Variants in SLIT1 observed in about 807,000 individuals in gnomAD.
SLIT1 encodes the protein slit homolog 1 protein.
In SLIT1, 66 loss-of-function variants were observed where a neutral mutation model predicts 186.1. The ratio of observed to expected loss-of-function variants is 0.35; its 90% CI spans 0.29 to 0.44. SLIT1 has a LOEUF of 0.44. SLIT1 is among the 20% of genes least tolerant of loss of function. The pLI is 1.00. For missense variants in SLIT1, 1,638 were observed against 2,037.4 expected, an observed-to-expected ratio of 0.80 and a Z score of 3.77; for synonymous variants, 761 against 833.8, an observed-to-expected ratio of 0.91 and a Z score of 1.50.
chr10:97,111,175 G>A (rs1849460846), intron 4 of SLIT1, among the ~76,000 whole-genome samples: 2 of 151,324 alleles, frequency 1.3e-5, no homozygotes, highest in Non-Finnish European at 2.9e-5. Flanking sequence ...GGGTGTCAGA[G>A]CAAGACTCTG....
At chr10:97,049,477 G>C (rs11816416) in intron 13 of SLIT1, among the ~76,000 whole-genome samples, 7,560 of 152,314 alleles carry the variant, frequency 0.05, 656 homozygotes, top group African/African-American at 0.17. Flanking sequence ...AGGCTGGCCA[G>C]AGCACCCCTG....
At chr10:97,018,565 C>T (rs377454527) in intron 28 of SLIT1, 21 bp downstream of exon 28, 41 of 1,500,140 alleles carry the variant, frequency 2.7e-5, no homozygotes, top group Non-Finnish European at 3.7e-5. Flanking sequence ...CACCAGGCTC[C>T]TGCCCCTCCA....
At chr10:97,066,522 G>T (rs1422715196) in intron 4 of SLIT1, among the ~76,000 whole-genome samples, 1 of 152,122 alleles carries the variant, frequency 6.6e-6, no homozygotes, top group Non-Finnish European at 1.5e-5. Context: ...ATCCCTCCTG[G>T]CTTGATGCTG....
chr10:96,999,553 A>AC lies in SLIT1; in HGVS notation c.*1558dup, dbSNP rs1360826240. On this transcript the variant is annotated 3_prime_UTR_variant, in exon 37 of 37. Coordinates refer to ENST00000266058, the MANE Select transcript of SLIT1 (RefSeq NM_003061.3). Reference sequence around the variant, plus strand: ...ATGCTCACCCCCGTTGCCCACCAGAACCCCCGGGGGTGTGCCCTCTTGGTG... The same window carrying AC: ...ATGCTCACCCCCGTTGCCCACCAGAACCCCCCGGGGGTGTGCCCTCTTGGTG... The AC allele has an allele frequency of 2.0e-5, 3 of 151,900 alleles. No homozygotes were observed. The highest frequency in any genetic ancestry group is 6.6e-5 in the Admixed American group (1 of 15,244). 9.4% of individuals were successfully genotyped at this position (151,900 alleles called of 1,614,324 possible).
intron 4 of SLIT1, among the ~76,000 whole-genome samples, chr10:97,085,344 C>A (rs887006052): frequency 6.6e-6 from 1 of 152,072 alleles, no homozygotes; most frequent in Non-Finnish European, 1.5e-5. Context: ...TCCTTGGTCA[C>A]TTCCTAACTA....
chr10:97,033,056 T>C (rs981521292), intron 23 of SLIT1, among the ~76,000 whole-genome samples: 77 of 151,360 alleles, frequency 5.1e-4, no homozygotes, highest in African/African-American at 1.8e-3. Context: ...CTTTCTTTTT[T>C]TTTTTTTTTT....
At chr10:97,185,352 C>T in intron 1 of SLIT1, 126 bp downstream of exon 1, 1 of 909,344 alleles carries the variant, frequency 1.1e-6, no homozygotes, top group Non-Finnish European at 1.7e-6. Context: ...CAGGCACTGA[C>T]CCGTCTGTGG....
At chr10:97,082,402 A>G (rs1275303664) in intron 4 of SLIT1, among the ~76,000 whole-genome samples, 2 of 152,098 alleles carry the variant, frequency 1.3e-5, no homozygotes, top group Admixed American at 1.3e-4. Flanking sequence ...TGTTATATAC[A>G]TGATCTCATC....
In SLIT1 at chr10:97,004,609, T is replaced by C; in HGVS notation, c.3710+84A>G. On this transcript the variant is annotated intron_variant, in intron 33 of 36. Transcript: ENST00000266058. The surrounding 1 kb of genome is among the most constrained non-coding windows in gnomAD (Gnocchi z 5.1). ...CAGCCCAGGTTTCTAGAGGTCTCGA[T>C]AACCACCTGCTTTTGGCCCAGGAGA... The C allele has an allele frequency of 1.3e-6, 2 of 1,538,192 alleles. No individual in the cohort carries two copies. The highest frequency in any genetic ancestry group is 1.8e-6 in the Non-Finnish European group (2 of 1,118,870).
At chr10:97,034,589 C>CG in intron 22 of SLIT1, 47 bp from the exon 23 acceptor site, 1 of 1,527,260 alleles carries the variant, frequency 6.5e-7, no homozygotes, top group Non-Finnish European at 9.1e-7. Flanking sequence ...TCACTCAGCC[C>CG]TGGCTCACAT....
intron 4 of SLIT1, among the ~76,000 whole-genome samples, chr10:97,076,916 G>A (rs896512017): frequency 2.6e-5 from 4 of 152,136 alleles, no homozygotes; most frequent in East Asian, 1.9e-4. Flanking sequence ...AGTGGGTCCC[G>A]CCTGCCACAA....
rs911312620 is a variant in SLIT1, at chr10:97,077,889, T to C, written c.414-11803A>G. Reference sequence around the variant, plus strand: ...TGGGAGGCCGAAGCAAGAGGATCACTGGAGCCTAGGAATTTGAGGCAACCT... The same window carrying C: ...TGGGAGGCCGAAGCAAGAGGATCACCGGAGCCTAGGAATTTGAGGCAACCT... On this transcript the variant is annotated intron_variant, in intron 4 of 36. Coordinates refer to ENST00000266058, the MANE Select transcript of SLIT1 (RefSeq NM_003061.3). 5.3e-5 allele frequency among the ~76,000 whole-genome samples: 8 copies of C among 152,266 alleles called. No individual in the cohort carries two copies. In the East Asian group the frequency reaches 1.4e-3, roughly 26 times the overall value.
In SLIT1 at chr10:97,010,936, A is replaced by G; in HGVS notation, c.3341+57T>C. On this transcript the variant is annotated intron_variant, in intron 31 of 36. Coordinates refer to ENST00000266058, the MANE Select transcript of SLIT1 (RefSeq NM_003061.3). The surrounding 1 kb of genome is among the most constrained non-coding windows in gnomAD (Gnocchi z 4.8). ...TTCGCCATGGCTGGAGGCTCCTGCC[A>G]GCCCAGGGGCTGACAGCCACAAGGA... The G allele has an allele frequency of 6.4e-7, 1 of 1,564,318 alleles. No individual in the cohort carries two copies. The highest frequency in any genetic ancestry group is 8.7e-7 in the Non-Finnish European group (1 of 1,149,656).
intron 4 of SLIT1, among the ~76,000 whole-genome samples, chr10:97,146,348 T>C (rs1849816800): frequency 6.6e-6 from 1 of 152,146 alleles, no homozygotes; most frequent in African/African-American, 2.4e-5. Flanking sequence ...TAACCAAAAA[T>C]TGAGTTGGTC....
chr10:97,019,348 A>G (rs1222513234), intron 26 of SLIT1, among the ~76,000 whole-genome samples: 1 of 152,152 alleles, frequency 6.6e-6, no homozygotes, highest in African/African-American at 2.4e-5. Context: ...AGTGAATTCC[A>G]GTGTGCAAAG....
intron 1 of SLIT1, among the ~76,000 whole-genome samples, chr10:97,178,712 G>A (rs1242503327): frequency 6.6e-6 from 1 of 151,950 alleles, no homozygotes; most frequent in Non-Finnish European, 1.5e-5. Flanking sequence ...AAGTTTCAAC[G>A]TCTCCAAGCT....
In SLIT1 at chr10:96,999,238, C is replaced by T. The variant is rs1848277998; in HGVS notation, c.*1874G>A. On this transcript the variant is annotated 3_prime_UTR_variant, in exon 37 of 37. Coordinates refer to ENST00000266058, the MANE Select transcript of SLIT1 (RefSeq NM_003061.3). ...GCTCAGAGCTCCAAGCAAGTAGATC[C>T]CAGCCCCCTGGTGAGGGGCAGATCC... 1.3e-5 allele frequency: 2 copies of T among 152,292 alleles called. No individual in the cohort carries two copies. Among genetic ancestry groups the T allele is most frequent in the Admixed American group, 6.5e-5 (1 of 15,282 alleles). The allele number at this position is 152,292 out of a possible 1,614,324, so 9.4% of individuals were successfully genotyped here.
intron 4 of SLIT1, among the ~76,000 whole-genome samples, chr10:97,069,068 G>C (rs766698176): frequency 2.6e-5 from 4 of 152,226 alleles, no homozygotes; most frequent in Non-Finnish European, 5.9e-5. Flanking sequence ...CTCCTGGTCT[G>C]TGGACTTGTG....
Position 97,057,226 on chromosome 10 carries a change from A to G in SLIT1, c.1141T>C (p.Tyr381His). 1 of 1,613,856 alleles carries G rather than the reference A, an allele frequency of 6.2e-7. No homozygotes were observed. Among genetic ancestry groups the G allele is most frequent in the East Asian group, 2.2e-5 (1 of 44,884 alleles). The change falls in exon 12 of 37, where the codon TAC (tyrosine) becomes CAC (histidine). Residue 381 changes from tyrosine to histidine, a missense_variant. By Grantham distance (83) the Tyr-to-His change is moderately conservative. Coordinates refer to ENST00000266058, the MANE Select transcript of SLIT1 (RefSeq NM_003061.3). ...DLPRGVFGGL[Y>H]TLQLLLLNAN... is the part of the protein sequence containing the mutation. ...CGTTCTTACAGGAGCTGTAGGGTGTATAGGCCTCCAAACACACCACGGGGG... is the reference window on the plus strand; with the variant it reads ...CGTTCTTACAGGAGCTGTAGGGTGTGTAGGCCTCCAAACACACCACGGGGG...
Sources: gnomAD v4.1 joint callset for allele counts (sites outside exome capture counted in the v4.1 genomes callset) on GRCh38, gnomAD v4.1.1 for gene constraint, Gnocchi (gnomAD v3.1) non-coding constraint, MANE v1.5 for transcripts, NCBI Gene and HGNC (gene_info 2026-07-23, HGNC 2026-07-21) for gene names.